TMEM244: variants seen among roughly 807,000 people sequenced by gnomAD.
TMEM244 encodes transmembrane protein 244.
Under a neutral mutation model 15.8 loss-of-function variants are expected in TMEM244, and 13 were observed. The ratio of observed to expected loss-of-function variants is 0.82; its 90% CI spans 0.53 to 1.30. The LOEUF (loss-of-function observed/expected upper bound fraction) is 1.30, where lower values mean the gene tolerates loss of function less well. Among genes scored for constraint, TMEM244 ranks in the 50% most tolerant of loss-of-function variants. TMEM244 has a pLI of 0.00. For missense variants in TMEM244, 161 were observed against 144.9 expected (o/e 1.11, Z -0.57); for synonymous variants, 45 against 48.7 (o/e 0.92, Z 0.32).
In TMEM244 at chr6:129,833,494, T is replaced by C. The variant is rs765695136; in HGVS notation, c.285A>G (p.Ser95=). 6.2e-7 allele frequency: 1 copy of C among 1,613,100 alleles called. No individual in the cohort carries two copies. The highest frequency in any genetic ancestry group is 1.1e-5 in the South Asian group (1 of 90,938). ...TGATGGCAACATGAAGAATAGTGAC[T>C]GAAATAGCATAATCCCAAACCCATT... ...VEEWVWDYAI[S]VTILHVAITS... is the part of the protein sequence containing the mutation. Residue 95 remains serine, a synonymous_variant, in exon 4 of 5, where the codon TCA becomes TCG. Coordinates refer to ENST00000368143, the MANE Select transcript of TMEM244 (RefSeq NM_001010876.2).
chr6:129,844,759 G>A (rs914329716), intron 2 of TMEM244, among the ~76,000 whole-genome samples: 4 of 152,224 alleles, frequency 2.6e-5, no homozygotes, highest in African/African-American at 9.6e-5. Context: ...GGCTGAGGCT[G>A]CACGTGAGCG....
chr6:129,831,489 A>C (rs1776328700), intron 4 of TMEM244, 103 bp from the exon 5 acceptor site: 1 of 784,846 alleles, frequency 1.3e-6, no homozygotes, highest in Admixed American at 2.3e-5. Context: ...CAACAAGAGA[A>C]GGTTTATCCA....
chr6:129,835,359 C>G (rs1267653542), intron 3 of TMEM244, among the ~76,000 whole-genome samples: 1 of 149,178 alleles, frequency 6.7e-6, no homozygotes, highest in Non-Finnish European at 1.5e-5. Context: ...GATCATGCCA[C>G]TGCACTGCAC....
chr6:129,860,718 GAAAC>G (rs1776796721), intron 1 of TMEM244, among the ~76,000 whole-genome samples: 1 of 148,708 alleles, frequency 6.7e-6, no homozygotes, highest in South Asian at 2.2e-4. Context: ...GGGGGAAAAA[GAAAC>G]TAACAAACCT....
intron 1 of TMEM244, among the ~76,000 whole-genome samples, chr6:129,851,178 C>T (rs771046441): frequency 1.3e-5 from 2 of 152,162 alleles, no homozygotes; most frequent in Non-Finnish European, 2.9e-5. Context: ...GGCAGGGCTC[C>T]AGACCAGATC....
chr6:129,837,345 A>C (rs973245076), intron 3 of TMEM244, among the ~76,000 whole-genome samples: 37 of 152,230 alleles, frequency 2.4e-4, no homozygotes, highest in African/African-American at 8.9e-4. Flanking sequence ...GTGAAGGAGA[A>C]TTAAAATCCT....
At chr6:129,851,915 A>G (rs922413110) in intron 1 of TMEM244, among the ~76,000 whole-genome samples, 2 of 152,196 alleles carry the variant, frequency 1.3e-5, no homozygotes, top group Non-Finnish European at 2.9e-5. Context: ...CATGACATTT[A>G]TGGGACATTT....
At chr6:129,858,915 T>A (rs573913982) in intron 1 of TMEM244, among the ~76,000 whole-genome samples, 28 of 152,028 alleles carry the variant, frequency 1.8e-4, no homozygotes, top group African/African-American at 6.5e-4. Context: ...TGCCTCAGCC[T>A]CCCTGAGTAG....
chr6:129,841,419 C>T (rs545254349), intron 3 of TMEM244, among the ~76,000 whole-genome samples: 7 of 18,332 alleles, frequency 3.8e-4, no homozygotes, highest in Non-Finnish European at 5.8e-4. Context: ...TGGGTCCGGT[C>T]GGGGGGTGGG....
intron 1 of TMEM244, among the ~76,000 whole-genome samples, chr6:129,857,805 T>C (rs1337303766): frequency 4.0e-5 from 6 of 150,418 alleles, no homozygotes; most frequent in Non-Finnish European, 7.4e-5. Flanking sequence ...TTTTTATATA[T>C]ATATATACAC....
At chr6:129,857,798 T>TTATA (rs540005436) in intron 1 of TMEM244, among the ~76,000 whole-genome samples, 6 of 149,408 alleles carry the variant, frequency 4.0e-5, no homozygotes, top group Non-Finnish European at 5.9e-5. Flanking sequence ...GTGTGGTTTT[T>TTATA]TATATATATA....
chr6:129,851,905 C>T (rs9402189), intron 1 of TMEM244, among the ~76,000 whole-genome samples: 50,045 of 152,020 alleles, frequency 0.33, 8,672 homozygotes, highest in African/African-American at 0.44. Flanking sequence ...TGTAAAAAAT[C>T]ATGACATTTA....
chr6:129,831,373 G>T lies in TMEM244; in HGVS notation c.333C>A (p.Phe111Leu). 6.3e-7 allele frequency: 1 copy of T among 1,579,972 alleles called. No homozygotes were observed. Among genetic ancestry groups the T allele is most frequent in the Non-Finnish European group, 8.7e-7 (1 of 1,148,684 alleles). ...VAITSTVMLE[F>L]PLTSHWWAAL... is the part of the protein sequence containing the mutation. ...CAGCCCACCAATGTGATGTCAAGGG[G>T]AATTCCAACATAACTGCAATAGAAA... The change falls in exon 5 of 5, where the codon TTC (phenylalanine) becomes TTA (leucine). Residue 111 changes from phenylalanine (F) to leucine (L), a missense_variant. Coordinates refer to ENST00000368143, the MANE Select transcript of TMEM244 (RefSeq NM_001010876.2).
chr6:129,848,743 TA>T (rs1179708365), intron 1 of TMEM244, among the ~76,000 whole-genome samples: 5 of 152,340 alleles, frequency 3.3e-5, no homozygotes, highest in Middle Eastern at 3.4e-3. Context: ...TTCAGCACTA[TA>T]ATTTTTTTAA....
At chr6:129,840,350 A>G (rs1158846426) in intron 3 of TMEM244, among the ~76,000 whole-genome samples, 1 of 152,210 alleles carries the variant, frequency 6.6e-6, no homozygotes, top group Non-Finnish European at 1.5e-5. Flanking sequence ...TATTTAATAA[A>G]TGGTGCTGGG....
At chr6:129,858,852 G>A (rs370675454) in intron 1 of TMEM244, among the ~76,000 whole-genome samples, 12 of 151,238 alleles carry the variant, frequency 7.9e-5, no homozygotes, top group African/African-American at 2.9e-4. Context: ...GGAGTACAGT[G>A]ACACAATCTC....
intron 1 of TMEM244, among the ~76,000 whole-genome samples, chr6:129,847,526 G>C (rs1396272272): frequency 6.6e-6 from 1 of 152,090 alleles, no homozygotes; most frequent in Non-Finnish European, 1.5e-5. Flanking sequence ...CCAAGAACCT[G>C]CTTCTTCCAA....
chr6:129,860,648 AT>A (rs202060922), intron 1 of TMEM244, among the ~76,000 whole-genome samples: 40 of 151,530 alleles, frequency 2.6e-4, no homozygotes, highest in South Asian at 4.2e-4. Flanking sequence ...CGATTGTTTG[AT>A]TTTTTTTTAA....
intron 1 of TMEM244, among the ~76,000 whole-genome samples, chr6:129,848,688 T>C (rs1776595521): frequency 6.6e-6 from 1 of 152,236 alleles, no homozygotes; most frequent in East Asian, 1.9e-4. Context: ...GATGAGAATT[T>C]GCTGCTGGGA....
Sources: gnomAD v4.1 joint callset for allele counts (sites outside exome capture counted in the v4.1 genomes callset) on GRCh38, gnomAD v4.1.1 for gene constraint, MANE v1.5 for transcripts, NCBI Gene and HGNC (gene_info 2026-07-23, HGNC 2026-07-21) for gene names.